The following PPARGC1B variants were observed in gnomAD, a reference collection of about 807,000 sequenced individuals.
PPARGC1B encodes peroxisome proliferator-activated receptor gamma coactivator 1-beta.
PPARGC1B carries 34 observed loss-of-function variants against 101.6 expected under a neutral mutation model. The observed-to-expected ratio is 0.33, with a 90% CI of 0.25 to 0.45. The LOEUF (loss-of-function observed/expected upper bound fraction) is 0.45. PPARGC1B is among the 20% of genes least tolerant of loss of function. PPARGC1B has a pLI of 1.00. For synonymous variants in PPARGC1B, 548 were observed against 539.3 expected (o/e 1.02, Z -0.22); for missense variants, 1,234 against 1,317.6 (o/e 0.94, Z 0.98).
At chr5:149,769,201 C>G (rs1259113113) in intron 1 of PPARGC1B, among the ~76,000 whole-genome samples, 1 of 152,202 alleles carries the variant, frequency 6.6e-6, no homozygotes, top group Admixed American at 6.5e-5. Context: ...GCTGATCTTA[C>G]AGGAGGTGGA....
At chr5:149,735,847 C>T (rs944720414) in intron 1 of PPARGC1B, among the ~76,000 whole-genome samples, 9 of 152,200 alleles carry the variant, frequency 5.9e-5, no homozygotes, top group Non-Finnish European at 1.3e-4. Flanking sequence ...ATGCAGAGGC[C>T]GGGTGCGGCG....
chr5:149,747,228 G>A (rs1320886249), intron 1 of PPARGC1B, among the ~76,000 whole-genome samples: 1 of 152,028 alleles, frequency 6.6e-6, no homozygotes, highest in Non-Finnish European at 1.5e-5. Context: ...TTTAGAGTTT[G>A]AGCTCTTTCA....
chr5:149,842,322 C>G lies in PPARGC1B; in HGVS notation c.2761C>G (p.Arg921Gly), dbSNP rs538570659. ...CATGAGCTCCCGAGAGCTGAAGAGG[C>G]GCTTTGAAGTGTTTGGTGAGATTGA... is the stretch of plus-strand genomic sequence containing the variant. ...SDMSSRELKR[R>G]FEVFGEIEEC... The change falls in exon 10 of 12, where the codon CGC becomes GGC. Residue 921 changes from arginine to glycine, a missense_variant. This residue lies in a region of PPARGC1B where 497 missense variants were observed against 529.5 expected (regional missense o/e 0.94). Transcript: ENST00000309241. 1.9e-6 allele frequency: 3 copies of G among 1,613,954 alleles called. No homozygotes were observed. The highest frequency in any genetic ancestry group is 2.7e-5 in the African/African-American group (2 of 74,878).
intron 1 of PPARGC1B, among the ~76,000 whole-genome samples, chr5:149,743,638 T>G (rs1207860416): frequency 6.6e-6 from 1 of 152,162 alleles, no homozygotes; most frequent in African/African-American, 2.4e-5. Flanking sequence ...TGCCTGATGT[T>G]TGCCTGGCCC....
chr5:149,747,766 T>C (rs923333823), intron 1 of PPARGC1B, among the ~76,000 whole-genome samples: 3 of 152,166 alleles, frequency 2.0e-5, no homozygotes, highest in Non-Finnish European at 1.5e-5. Context: ...TGTGGCAATC[T>C]CCTCCCACTG....
intron 1 of PPARGC1B, among the ~76,000 whole-genome samples, chr5:149,799,690 G>GTTTTTT (rs369350284): frequency 0.011 from 724 of 64,692 alleles, 20 homozygotes; most frequent in Middle Eastern, 0.026. Context: ...TTTGCTTGTT[G>GTTTTTT]TTGTTTTTTT....
chr5:149,736,879 C>A (rs1441006096), intron 1 of PPARGC1B, among the ~76,000 whole-genome samples: 2 of 152,024 alleles, frequency 1.3e-5, no homozygotes, highest in Non-Finnish European at 2.9e-5. Context: ...TATTAATATT[C>A]CCCACCAGAG....
chr5:149,754,774 ATTTTTT>A (rs10560122), intron 1 of PPARGC1B, among the ~76,000 whole-genome samples: 1 of 68,408 alleles, frequency 1.5e-5, no homozygotes. Context: ...GAGCATCCTG[ATTTTTT>A]TTTTTTTTTT....
rs1759645892 is a variant in PPARGC1B at position 149,848,172 on chromosome 5, A to G, written c.*614A>G. The stretch of plus-strand genomic sequence containing the variant: ...TGGCCGCTAGGCTGGTCTGCAGGAA[A>G]GCGCGGCCTGCCGTTTCCGGGCCGT... On this transcript the variant is annotated 3_prime_UTR_variant, in exon 12 of 12. Transcript: ENST00000309241. The G allele has an allele frequency of 6.5e-6, 1 of 152,840 alleles. No individual in the cohort carries two copies. Among genetic ancestry groups the G allele is most frequent in the African/African-American group, 2.4e-5 (1 of 41,564 alleles). 9.5% of individuals were successfully genotyped at this position (152,840 alleles called of 1,614,324 possible). A position where few individuals can be genotyped will look rare whatever the true frequency, so the allele number is the denominator to read the frequency against.
chr5:149,803,197 A>T (rs1480858415), intron 1 of PPARGC1B, among the ~76,000 whole-genome samples: 1 of 152,102 alleles, frequency 6.6e-6, no homozygotes, highest in Non-Finnish European at 1.5e-5. Flanking sequence ...ATCTCATACT[A>T]TTAGCACAGA....
chr5:149,809,489 G>GATAGATAGATAGATCCATCTCTACC (rs1757759296), intron 1 of PPARGC1B, among the ~76,000 whole-genome samples: 4 of 71,440 alleles, frequency 5.6e-5, no homozygotes, highest in Non-Finnish European at 1.1e-4. Flanking sequence ...TAGATAGATA[G>GATAGATAGATAGATCCATCTCTACC]ATAGATAGAT....
At chr5:149,823,529 C>A (rs1758384329) in intron 2 of PPARGC1B, among the ~76,000 whole-genome samples, 1 of 152,114 alleles carries the variant, frequency 6.6e-6, no homozygotes, top group Non-Finnish European at 1.5e-5. Context: ...CTCAGGAAGA[C>A]TGGGGGTGGG....
At chr5:149,781,459 A>G (rs1340466954) in intron 1 of PPARGC1B, among the ~76,000 whole-genome samples, 5 of 152,168 alleles carry the variant, frequency 3.3e-5, no homozygotes, top group Non-Finnish European at 7.3e-5. Context: ...TGAAAAGGAG[A>G]GAGAATTCCT....
chr5:149,847,229 G>C (rs1470586890), intron 11 of PPARGC1B: 2 of 663,514 alleles, frequency 3.0e-6, no homozygotes, highest in Non-Finnish European at 5.6e-6. Flanking sequence ...TGGGCCTCCA[G>C]GTCTCTAGAT....
intron 1 of PPARGC1B, among the ~76,000 whole-genome samples, chr5:149,799,783 C>T (rs868841457): frequency 2.1e-5 from 3 of 142,834 alleles, no homozygotes; most frequent in Admixed American, 7.6e-5. Context: ...CTGCAACCTC[C>T]GCCTCCCGGG....
At chr5:149,822,357 C>T (rs1047988631) in intron 2 of PPARGC1B, among the ~76,000 whole-genome samples, 2 of 152,192 alleles carry the variant, frequency 1.3e-5, no homozygotes, top group Non-Finnish European at 2.9e-5. Context: ...AGACAGTCCT[C>T]ACAGCTGGCT....
At chr5:149,771,910 C>A in intron 1 of PPARGC1B, 1 of 908,510 alleles carries the variant, frequency 1.1e-6, no homozygotes, top group Non-Finnish European at 1.6e-6. Flanking sequence ...TGTCACTGAA[C>A]GTTGTCCCCA....
In PPARGC1B at chr5:149,833,685, C is replaced by A; in HGVS notation, c.1612C>A (p.Arg538=). The A allele has an allele frequency of 6.2e-7, 1 of 1,608,854 alleles. No homozygotes were observed. The highest frequency in any genetic ancestry group is 8.5e-7 in the Non-Finnish European group (1 of 1,178,378). Residue 538 remains arginine, a synonymous_variant, in exon 5 of 12, where the codon CGG becomes AGG. Transcript: ENST00000309241. The surrounding 1 kb of genome is among the most constrained non-coding windows in gnomAD (Gnocchi z 4.1). The stretch of plus-strand genomic sequence containing the variant: ...CAGTGGCCAAGACCAGCAGCTCCTA[C>A]GGGGACCCCAGATCCCTGCCCTGGA... ...EDSGQDQQLL[R]GPQIPALESP... is the part of the protein sequence containing the mutation.
In PPARGC1B at chr5:149,848,509, G is replaced by A. The variant is rs957961183; in HGVS notation, c.*951G>A. On this transcript the variant is annotated 3_prime_UTR_variant, in exon 12 of 12. Transcript: ENST00000309241. ...GCTGGGGTAAAGACACCGTTTCAGG[G>A]ACTGGTAGAGGTGAGTTCGGCTAAA... The A allele has an allele frequency of 6.6e-6, 1 of 152,234 alleles. No individual in the cohort carries two copies. The highest frequency in any genetic ancestry group is 2.4e-5 in the African/African-American group (1 of 41,452). 9.4% of individuals were successfully genotyped at this position (152,234 alleles called of 1,614,324 possible).
Sources: allele counts gnomAD v4.1 joint callset (sites outside exome capture counted in the v4.1 genomes callset), GRCh38; gene constraint gnomAD v4.1.1; regional missense constraint gnomAD v4.1.1; non-coding constraint Gnocchi (gnomAD v3.1); transcripts MANE v1.5; gene names NCBI Gene and HGNC (gene_info 2026-07-23, HGNC 2026-07-21).